Variants in UBXN2A observed in about 807,000 individuals in gnomAD.
The protein encoded by UBXN2A is UBX domain-containing protein 2A.
UBXN2A carries 28 observed loss-of-function variants against 28.4 expected under a neutral mutation model. The ratio of observed to expected loss-of-function variants is 0.99; its 90% CI spans 0.73 to 1.35. The LOEUF (loss-of-function observed/expected upper bound fraction) is 1.35, where lower values mean the gene tolerates loss of function less well. Ranked by LOEUF, UBXN2A falls within the 40% of genes most tolerant of loss-of-function variation. The pLI, the probability that UBXN2A is intolerant of heterozygous loss-of-function variation, is 0.00. For missense variants in UBXN2A, 253 were observed against 297.9 expected (o/e 0.85, Z 1.11); for synonymous variants, 97 against 103.6 (o/e 0.94, Z 0.39).
At position 24,003,948 on chromosome 2, in the gene UBXN2A, CT is replaced by C. The variant is rs2150932666; in HGVS notation, c.*4084del. ...TTCCTGTGTACCTATAGAAAAGCCT[CT>C]TTGGTAGATTTTCCGGTTTATAATT... On this transcript the variant is annotated 3_prime_UTR_variant, in exon 7 of 7. Transcript: ENST00000309033. 1 of 152,214 alleles carries C rather than the reference CT, an allele frequency of 6.6e-6. No homozygotes were observed. Among genetic ancestry groups the C allele is most frequent in the East Asian group, 1.9e-4 (1 of 5,188 alleles). The allele number at this position is 152,214 out of a possible 1,614,324, so 9.4% of individuals were successfully genotyped here. A position where few individuals can be genotyped will look rare whatever the true frequency, so the allele number is the denominator to read the frequency against.
At chr2:23,929,918 T>C (rs566982082) in intron 1 of UBXN2A, among the ~76,000 whole-genome samples, 1 of 152,166 alleles carries the variant, frequency 6.6e-6, no homozygotes, top group Non-Finnish European at 1.5e-5. Context: ...AGATGGAGTC[T>C]TGCTCTGTCA....
chr2:23,956,511 C>A (rs1706632761), intron 1 of UBXN2A, among the ~76,000 whole-genome samples: 1 of 151,946 alleles, frequency 6.6e-6, no homozygotes, highest in African/African-American at 2.4e-5. Context: ...GACCACCATG[C>A]CTGGCTAATT....
At chr2:23,959,364 T>C (rs1294633984) in intron 2 of UBXN2A, among the ~76,000 whole-genome samples, 1 of 151,976 alleles carries the variant, frequency 6.6e-6, no homozygotes, top group East Asian at 1.9e-4. Flanking sequence ...TGGTGGCAGG[T>C]ACCAGTAGTC....
At chr2:23,936,638 C>T (rs1705537895), upstream of UBXN2A, among the ~76,000 whole-genome samples, 1 of 151,996 alleles carries the variant, frequency 6.6e-6, no homozygotes, top group East Asian at 1.9e-4. Flanking sequence ...GAAAAACATA[C>T]ACCTAACATC....
At chr2:23,991,789 G>GTTTGT (rs1269666977) in intron 6 of UBXN2A, among the ~76,000 whole-genome samples, 8 of 145,832 alleles carry the variant, frequency 5.5e-5, no homozygotes, top group African/African-American at 2.0e-4. Flanking sequence ...TTTTTTGTTT[G>GTTTGT]TTTGTTTTGT....
chr2:23,955,495 A>G (rs1706577312), intron 1 of UBXN2A, among the ~76,000 whole-genome samples: 1 of 152,136 alleles, frequency 6.6e-6, no homozygotes, highest in Non-Finnish European at 1.5e-5. Flanking sequence ...AATCTTGTAT[A>G]TATAATCCTG....
intron 1 of UBXN2A, among the ~76,000 whole-genome samples, chr2:23,934,135 G>C (rs911814975): frequency 9.9e-5 from 15 of 151,746 alleles, no homozygotes; most frequent in African/African-American, 3.6e-4. Flanking sequence ...ATAATCGCTT[G>C]AATGCGGGAG....
intron 2 of UBXN2A, among the ~76,000 whole-genome samples, chr2:23,962,605 C>CTT (rs1160440950): frequency 3.0e-4 from 39 of 130,658 alleles, no homozygotes; most frequent in Admixed American, 4.8e-4. Context: ...TTTTTTTATT[C>CTT]TTTTTTTTTT....
At chr2:23,929,799 C>T (rs1053219025) in intron 1 of UBXN2A, among the ~76,000 whole-genome samples, 12 of 152,114 alleles carry the variant, frequency 7.9e-5, no homozygotes, top group Non-Finnish European at 1.8e-4. Flanking sequence ...GTGCTTTCCT[C>T]CTTTTTTGTG....
At chr2:23,992,285 T>C (rs1708382684) in intron 6 of UBXN2A, among the ~76,000 whole-genome samples, 1 of 152,208 alleles carries the variant, frequency 6.6e-6, no homozygotes, top group Non-Finnish European at 1.5e-5. Context: ...TTGGTATTTT[T>C]AGTAGAGACA....
rs892650415 is a variant in UBXN2A, at chr2:24,003,582, G to C, written c.*3715G>C. On this transcript the variant is annotated 3_prime_UTR_variant, in exon 7 of 7. Transcript: ENST00000309033. ...AGGCTCTTTTAATTAGGAAGAGAGG[G>C]AGGACAAAGGAGAGCCTTTTCTTTT... 3 of 152,078 alleles carry C rather than the reference G, an allele frequency of 2.0e-5. No individual in the cohort carries two copies. The highest frequency in any genetic ancestry group is 7.2e-5 in the African/African-American group (3 of 41,380). The allele number at this position is 152,078 out of a possible 1,614,324, so 9.4% of individuals were successfully genotyped here.
chr2:23,974,997 A>T (rs940532531), intron 3 of UBXN2A, among the ~76,000 whole-genome samples: 4 of 152,084 alleles, frequency 2.6e-5, no homozygotes, highest in Non-Finnish European at 5.9e-5. Context: ...AAAGAAAAGA[A>T]AAAGAAAGCA....
intron 1 of UBXN2A, among the ~76,000 whole-genome samples, chr2:23,958,082 T>C (rs1316472011): frequency 6.6e-6 from 1 of 152,242 alleles, no homozygotes; most frequent in Non-Finnish European, 1.5e-5. Context: ...TATTATACTT[T>C]TTTTCATAAT....
chr2:23,991,161 G>T (rs2150911436), intron 6 of UBXN2A, among the ~76,000 whole-genome samples: 1 of 152,174 alleles, frequency 6.6e-6, no homozygotes, highest in African/African-American at 2.4e-5. Flanking sequence ...CAAGAAAGTT[G>T]TGCTAAAATC....
chr2:23,937,877 A>C (rs1170979286), upstream of UBXN2A, among the ~76,000 whole-genome samples: 1 of 152,194 alleles, frequency 6.6e-6, no homozygotes, highest in East Asian at 1.9e-4. Flanking sequence ...GGTATAGTGT[A>C]CTACACATCT....
chr2:23,929,992 G>T (rs1015345341), intron 1 of UBXN2A, among the ~76,000 whole-genome samples: 3 of 152,064 alleles, frequency 2.0e-5, no homozygotes, highest in Non-Finnish European at 4.4e-5. Context: ...AGGTTCAAGC[G>T]ACTCTCCTGC....
At chr2:23,944,805 A>G (rs931364972) in intron 1 of UBXN2A, among the ~76,000 whole-genome samples, 1 of 152,186 alleles carries the variant, frequency 6.6e-6, no homozygotes, top group African/African-American at 2.4e-5. Flanking sequence ...GAGCCAGGCC[A>G]TTAACACCTA....
Position 23,984,739 on chromosome 2 carries a change from T to C in UBXN2A, c.492T>C (p.Ala164=). The C allele has an allele frequency of 6.4e-7, 1 of 1,565,684 alleles. No individual in the cohort carries two copies. Among genetic ancestry groups the C allele is most frequent in the East Asian group, 2.4e-5 (1 of 41,640 alleles). Residue 164 remains alanine (A), a synonymous_variant, in exon 6 of 7, where the codon GCT becomes GCC. Transcript: ENST00000309033. ...TTGAAAATAAAAATAATTTGTCTGC[T>C]GTTCCACTGAACAACTTGGAACCCA... The part of the protein sequence containing the change: ...IEVENKNNLS[A]VPLNNLEPIT...
chr2:23,976,065 A>G (rs934342543), intron 3 of UBXN2A, among the ~76,000 whole-genome samples: 1 of 152,220 alleles, frequency 6.6e-6, no homozygotes, highest in Non-Finnish European at 1.5e-5. Context: ...CGTATTATAC[A>G]TAATAAGGAT....
Sources: allele counts gnomAD v4.1 joint callset (sites outside exome capture counted in the v4.1 genomes callset), GRCh38; gene constraint gnomAD v4.1.1; transcripts MANE v1.5; gene names NCBI Gene and HGNC (gene_info 2026-07-23, HGNC 2026-07-21).